The following CEMIP variants were observed in gnomAD, a reference collection of about 807,000 sequenced individuals.
CEMIP encodes the protein cell migration inducing hyaluronidase 1.
Under a neutral mutation model 156.9 loss-of-function variants are expected in CEMIP, and 105 were observed. The ratio of observed to expected loss-of-function variants is 0.67; its 90% CI spans 0.57 to 0.79. The LOEUF (loss-of-function observed/expected upper bound fraction) is 0.79. Ranked by LOEUF, CEMIP falls within the 30% of genes least tolerant of loss-of-function variation. The pLI is 0.00. For missense variants in CEMIP, 1,457 were observed against 1,769.4 expected, an observed-to-expected ratio of 0.82 and a Z score of 3.17; for synonymous variants, 676 against 668.4, an observed-to-expected ratio of 1.01 and a Z score of -0.17.
At chr15:80,862,735 C>T (rs77785142) in intron 1 of CEMIP, among the ~76,000 whole-genome samples, 2,020 of 152,288 alleles carry the variant, frequency 0.013, 46 homozygotes, top group African/African-American at 0.044. Context: ...CTTAGCTAAA[C>T]CCCCAGTGAG....
chr15:80,860,053 G>A (rs953226558), intron 1 of CEMIP, among the ~76,000 whole-genome samples: 5 of 152,072 alleles, frequency 3.3e-5, no homozygotes, highest in South Asian at 2.1e-4. Flanking sequence ...ACAGGGACAC[G>A]CATACACATT....
chr15:80,927,283 G>A (rs1900732784), intron 19 of CEMIP, among the ~76,000 whole-genome samples: 1 of 152,210 alleles, frequency 6.6e-6, no homozygotes, highest in Admixed American at 6.5e-5. Context: ...TGATAGGCAT[G>A]AAGCAGGTTT....
chr15:80,889,574 T>C lies in CEMIP; in HGVS notation c.1068T>C (p.Asn356=). 6.2e-7 allele frequency: 1 copy of C among 1,614,152 alleles called. No homozygotes were observed. Among genetic ancestry groups the C allele is most frequent in the Non-Finnish European group, 8.5e-7 (1 of 1,179,988 alleles). The part of the protein sequence containing the change: ...LWKAHPGKIC[N]RPIDIQATTM... ...AAGCTCACCCAGGAAAAATATGCAA[T>C]CGTCCCATTGATATACAGGTACCAA... is the stretch of plus-strand genomic sequence containing the variant. Residue 356 remains asparagine (N), a synonymous_variant, in exon 10 of 30, where the codon AAT becomes AAC. Transcript: ENST00000394685.
intron 25 of CEMIP, among the ~76,000 whole-genome samples, chr15:80,940,449 T>C (rs776770805): frequency 1.4e-4 from 22 of 152,200 alleles, no homozygotes; most frequent in Admixed American, 2.6e-4. Flanking sequence ...GTTGGGAGCC[T>C]CCAGGGAGAC....
At chr15:80,875,084 A>G (rs1183839606) in intron 3 of CEMIP, among the ~76,000 whole-genome samples, 1 of 117,634 alleles carries the variant, frequency 8.5e-6, no homozygotes, top group East Asian at 2.9e-4. Flanking sequence ...CCTAAGCTGG[A>G]GTGCAGTGAT....
At chr15:80,858,195 G>A (rs1476528930) in intron 1 of CEMIP, among the ~76,000 whole-genome samples, 1 of 152,166 alleles carries the variant, frequency 6.6e-6, no homozygotes, top group African/African-American at 2.4e-5. Context: ...GGATAAGGTG[G>A]GGAGTAGGCT....
At chr15:80,923,107 G>GTCTCA (rs1567102876) in intron 17 of CEMIP, among the ~76,000 whole-genome samples, 3 of 152,194 alleles carry the variant, frequency 2.0e-5, no homozygotes, top group Non-Finnish European at 4.4e-5. Context: ...CTTATGCCTA[G>GTCTCA]GAGATAGGGT....
intron 14 of CEMIP, among the ~76,000 whole-genome samples, chr15:80,912,929 C>A (rs1457966609): frequency 6.6e-6 from 1 of 152,142 alleles, no homozygotes; most frequent in Non-Finnish European, 1.5e-5. Flanking sequence ...AATGCAGAGG[C>A]CACTCAGTAG....
intron 1 of CEMIP, among the ~76,000 whole-genome samples, chr15:80,839,906 T>A (rs12906234): frequency 0.28 from 43,339 of 152,176 alleles, 6,726 homozygotes; most frequent in Non-Finnish European, 0.36. Flanking sequence ...CCTAGCAGGT[T>A]GGCACTATCC....
intron 23 of CEMIP, 27 bp from the exon 24 acceptor site, chr15:80,936,647 G>T: frequency 6.3e-7 from 1 of 1,581,384 alleles, no homozygotes; most frequent in Non-Finnish European, 8.7e-7. Context: ...TAGCCTCATT[G>T]TGTGTTTCCT....
chr15:80,893,391 A>G (rs972209832), intron 10 of CEMIP, among the ~76,000 whole-genome samples: 4 of 152,124 alleles, frequency 2.6e-5, no homozygotes, highest in African/African-American at 9.7e-5. Context: ...AGGTTAGAAA[A>G]AAGGAAAAAA....
At chr15:80,917,088 A>C (rs1900301599) in intron 14 of CEMIP, among the ~76,000 whole-genome samples, 1 of 152,188 alleles carries the variant, frequency 6.6e-6, no homozygotes, top group African/African-American at 2.4e-5. Context: ...ACATGTAAAA[A>C]CATTTGGTAT....
chr15:80,833,418 A>C (rs1176089314), intron 1 of CEMIP, among the ~76,000 whole-genome samples: 1 of 152,162 alleles, frequency 6.6e-6, no homozygotes, highest in Non-Finnish European at 1.5e-5. Context: ...TCAATTTACA[A>C]GGAATTCTCA....
chr15:80,839,443 G>A (rs1479073261), intron 1 of CEMIP, among the ~76,000 whole-genome samples: 1 of 152,140 alleles, frequency 6.6e-6, no homozygotes, highest in Non-Finnish European at 1.5e-5. Flanking sequence ...TTCTGAGGGA[G>A]TCAAGTGCAA....
At chr15:80,902,877 C>T (rs1041425681) in intron 12 of CEMIP, among the ~76,000 whole-genome samples, 2 of 152,148 alleles carry the variant, frequency 1.3e-5, no homozygotes, top group African/African-American at 4.8e-5. Flanking sequence ...CTACCATATG[C>T]CAGGGGCTTA....
At chr15:80,909,992 T>C (rs1899984553) in intron 14 of CEMIP, among the ~76,000 whole-genome samples, 1 of 152,242 alleles carries the variant, frequency 6.6e-6, no homozygotes, top group Non-Finnish European at 1.5e-5. Context: ...TTACACTAAA[T>C]TGATAATTTT....
rs531472624 is a variant in CEMIP, at chr15:80,847,047, G to T, written c.-175-26491G>T. Reference sequence around the variant, plus strand: ...TCTTATGTAGCTTTTGATTATTTTGGAGGTGGGGTGGGCAGGACAGGGTCT... The same window carrying T: ...TCTTATGTAGCTTTTGATTATTTTGTAGGTGGGGTGGGCAGGACAGGGTCT... On this transcript the variant is annotated intron_variant, in intron 1 of 29. Transcript: ENST00000394685. Among the ~76,000 whole-genome samples the T allele has an allele frequency of 3.3e-5, 5 of 152,238 alleles. No individual in the cohort carries two copies. In the East Asian group the frequency reaches 9.7e-4, roughly 29 times the overall value.
chr15:80,865,752 AG>A (rs1438926374), intron 1 of CEMIP, among the ~76,000 whole-genome samples: 9 of 151,884 alleles, frequency 5.9e-5, no homozygotes, highest in Admixed American at 3.3e-4. Flanking sequence ...GGAAACCAAA[AG>A]TTTGGACACC....
At chr15:80,836,680 C>T (rs1385944029) in intron 1 of CEMIP, among the ~76,000 whole-genome samples, 2 of 151,900 alleles carry the variant, frequency 1.3e-5, no homozygotes, top group African/African-American at 4.9e-5. Flanking sequence ...GGTTTTCTGC[C>T]AGCCTTACCC....
Sources: gnomAD v4.1 joint callset for allele counts (sites outside exome capture counted in the v4.1 genomes callset) on GRCh38, gnomAD v4.1.1 for gene constraint, MANE v1.5 for transcripts, NCBI Gene and HGNC (gene_info 2026-07-23, HGNC 2026-07-21) for gene names.